Variants in DENND2B observed in about 807,000 individuals in gnomAD.
The protein encoded by DENND2B is DENN domain containing 2B, also known as DENN domain-containing protein 2B.
DENND2B carries 32 observed loss-of-function variants against 116.0 expected under a neutral mutation model. That is an observed-to-expected ratio of 0.28 (90% CI 0.21 to 0.37). The LOEUF is 0.37. DENND2B is among the 10% of genes least tolerant of loss of function. The pLI, the probability that DENND2B is intolerant of heterozygous loss-of-function variation, is 1.00. For synonymous variants in DENND2B, 588 were observed against 583.9 expected (o/e 1.01, Z -0.10); for missense variants, 1,276 against 1,477.7 (o/e 0.86, Z 2.24).
intron 3 of DENND2B, among the ~76,000 whole-genome samples, chr11:8,852,926 T>C (rs1020237501): frequency 2.0e-5 from 3 of 152,264 alleles, no homozygotes; most frequent in Non-Finnish European, 4.4e-5. Flanking sequence ...GATAAGCTTT[T>C]ATGAGTGTGA....
intron 1 of DENND2B, among the ~76,000 whole-genome samples, chr11:8,893,331 C>T (rs2064057671): frequency 6.6e-6 from 1 of 152,134 alleles, no homozygotes; most frequent in South Asian, 2.1e-4. Context: ...CCTTTGAAAA[C>T]CGGCACAAGA....
intron 4 of DENND2B, among the ~76,000 whole-genome samples, chr11:8,823,956 G>A (rs769513227): frequency 6.8e-6 from 1 of 146,848 alleles, no homozygotes; most frequent in East Asian, 2.0e-4. Flanking sequence ...AGGCTGGAGT[G>A]CAGTGGCGTG....
At position 8,748,338 on chromosome 11, in the gene DENND2B, G is replaced by A. The variant is rs1475306114; in HGVS notation, c.80+2283C>T. ...AAGTTGTAAATACCTTGGAGAAAGA[G>A]AATGGATCATCCCTCTTTGCCCTCC... On this transcript the variant is annotated intron_variant, in intron 2 of 19. Coordinates refer to ENST00000313726, the MANE Select transcript of DENND2B (RefSeq NM_213618.2). Among the ~76,000 whole-genome samples, 3 of 152,212 alleles carry A rather than the reference G, an allele frequency of 2.0e-5. No homozygotes were observed. The East Asian group carries it at 5.8e-4, about 29-fold the overall frequency.
chr11:8,905,845 G>T (rs1476285653), intron 1 of DENND2B, among the ~76,000 whole-genome samples: 1 of 151,830 alleles, frequency 6.6e-6, no homozygotes, highest in Non-Finnish European at 1.5e-5. Flanking sequence ...TCATAAAAAA[G>T]AATGAAGTAT....
intron 2 of DENND2B, among the ~76,000 whole-genome samples, chr11:8,733,010 C>T (rs973005099): frequency 1.3e-5 from 2 of 152,238 alleles, no homozygotes; most frequent in African/African-American, 4.8e-5. Context: ...TGGCTGCCCC[C>T]AATCAACAGG....
intron 1 of DENND2B, among the ~76,000 whole-genome samples, chr11:8,760,678 C>T (rs555748264): frequency 6.6e-6 from 1 of 152,166 alleles, no homozygotes; most frequent in Non-Finnish European, 1.5e-5. Flanking sequence ...AAGACTGTCC[C>T]ATTCCCTACA....
At chr11:8,861,505 T>C (rs2063389379) in intron 2 of DENND2B, among the ~76,000 whole-genome samples, 1 of 152,208 alleles carries the variant, frequency 6.6e-6, no homozygotes, top group African/African-American at 2.4e-5. Flanking sequence ...CCAGCCAGAC[T>C]AGCCATTACT....
chr11:8,730,403 G>C lies in DENND2B; in HGVS notation c.887C>G (p.Pro296Arg), dbSNP rs1349652781. 2.5e-6 allele frequency: 4 copies of C among 1,606,502 alleles called. No individual in the cohort carries two copies. The South Asian group carries it at 4.4e-5, about 18-fold the overall frequency. The change falls in exon 3 of 20, where the codon CCG becomes CGG. Residue 296 changes from proline to arginine, a missense_variant. By Grantham distance (103) the Pro-to-Arg change is moderately radical (BLOSUM62 -2). Transcript: ENST00000313726. The surrounding 1 kb of genome is among the most constrained non-coding windows in gnomAD (Gnocchi z 4.1). ...QKIEQVLKEQ[P>R]GRGLPQLPSS... ...GGGGAGCTGGGGGAGCCCCCGGCCC[G>C]GCTGCTCCTTCAGGACCTGTTCAAT...
chr11:8,808,905 A>G (rs1329552124), intron 1 of DENND2B: 3 of 130,474 alleles, frequency 2.3e-5, no homozygotes, highest in Non-Finnish European at 5.5e-5. Flanking sequence ...TCTTTCTGCT[A>G]TACCAACAGA....
intron 3 of DENND2B, 148 bp from the exon 4 acceptor site, chr11:8,726,357 C>G: frequency 1.9e-6 from 2 of 1,040,152 alleles, no homozygotes; most frequent in Non-Finnish European, 2.7e-6. Flanking sequence ...AACTTACCAT[C>G]CAAATGAAGA....
chr11:8,881,273 C>A (rs2134727972), intron 1 of DENND2B, among the ~76,000 whole-genome samples: 1 of 152,202 alleles, frequency 6.6e-6, no homozygotes, highest in South Asian at 2.1e-4. Context: ...CCTTTTTAAT[C>A]TGGAGGCTCA....
chr11:8,773,426 C>A (rs2057217189), intron 1 of DENND2B, among the ~76,000 whole-genome samples: 1 of 152,186 alleles, frequency 6.6e-6, no homozygotes, highest in African/African-American at 2.4e-5. Context: ...CAAACATGAG[C>A]TGAAAATATT....
In DENND2B at chr11:8,750,708, C is replaced by T; in HGVS notation, c.-8G>A. On this transcript the variant is annotated 5_prime_UTR_variant, in exon 2 of 20. Coordinates refer to ENST00000313726, the MANE Select transcript of DENND2B (RefSeq NM_213618.2). ...GTTGGCAGTCATGGTCATTTCGGCT[C>T]TCTGCAAACCCAGAGCCCTGCAAAG... 6.2e-7 allele frequency: 1 copy of T among 1,614,192 alleles called. No homozygotes were observed. Among genetic ancestry groups the T allele is most frequent in the Non-Finnish European group, 8.5e-7 (1 of 1,180,028 alleles).
chr11:8,724,111 C>A (rs1398510947), intron 4 of DENND2B, among the ~76,000 whole-genome samples: 1 of 152,064 alleles, frequency 6.6e-6, no homozygotes, highest in Non-Finnish European at 1.5e-5. Context: ...CTGGCTAACA[C>A]GGTGAAACCC....
At chr11:8,804,523 C>T (rs946056479) in intron 1 of DENND2B, among the ~76,000 whole-genome samples, 1 of 146,352 alleles carries the variant, frequency 6.8e-6, no homozygotes, top group African/African-American at 2.5e-5. Flanking sequence ...GAAAGATGAA[C>T]GAGATGCAAA....
chr11:8,900,222 G>A (rs558878654), intron 1 of DENND2B, among the ~76,000 whole-genome samples: 75 of 151,058 alleles, frequency 5.0e-4, no homozygotes, highest in African/African-American at 1.7e-3. Flanking sequence ...TCAGGAGTTC[G>A]AGACTGTCCT....
chr11:8,841,712 T>A (rs540208591), intron 3 of DENND2B, among the ~76,000 whole-genome samples: 3 of 152,198 alleles, frequency 2.0e-5, no homozygotes, highest in African/African-American at 7.2e-5. Context: ...TTTTCCTTCA[T>A]TGGGTAACTG....
chr11:8,862,144 A>G lies in DENND2B; in HGVS notation c.-249-4708T>C, dbSNP rs1432650253. ...AAAATTTCAGACACAATTCATCCAT[A>G]TAATCAAAAACCACTTGTACCACAA... On this transcript the variant is annotated intron_variant, in intron 2 of 6. Coordinates refer to the DENND2B transcript ENST00000524757. 1.3e-5 allele frequency among the ~76,000 whole-genome samples: 2 copies of G among 152,124 alleles called. 1 individual carries two copies. Among genetic ancestry groups the G allele is most frequent in the African/African-American group, 4.8e-5 (2 of 41,428 alleles).
intron 2 of DENND2B, among the ~76,000 whole-genome samples, chr11:8,879,332 C>A (rs1000531162): frequency 3.9e-5 from 6 of 152,220 alleles, no homozygotes; most frequent in Non-Finnish European, 7.3e-5. Context: ...CCTACTGATC[C>A]ATGCTGGCCA....
Sources: allele counts gnomAD v4.1 joint callset (sites outside exome capture counted in the v4.1 genomes callset), GRCh38; gene constraint gnomAD v4.1.1; non-coding constraint Gnocchi (gnomAD v3.1); transcripts MANE v1.5; gene names NCBI Gene and HGNC (gene_info 2026-07-23, HGNC 2026-07-21).